NOSTRIN: variants seen among roughly 807,000 people sequenced by gnomAD.
NOSTRIN encodes the protein BM247 homolog.
Under a neutral mutation model 59.0 loss-of-function variants are expected in NOSTRIN, and 63 were observed. The ratio of observed to expected loss-of-function variants is 1.07; its 90% CI spans 0.87 to 1.32. The LOEUF (loss-of-function observed/expected upper bound fraction) is 1.32, where lower values mean the gene tolerates loss of function less well. NOSTRIN is among the 40% of genes most tolerant of loss of function. The pLI, the probability that NOSTRIN is intolerant of heterozygous loss-of-function variation, is 0.00. For missense variants in NOSTRIN, 512 were observed against 473.1 expected, an observed-to-expected ratio of 1.08 and a Z score of -0.76; for synonymous variants, 200 against 165.4, an observed-to-expected ratio of 1.21 and a Z score of -1.61.
chr2:168,862,890 G>A (rs1258273425), intron 15 of NOSTRIN, among the ~76,000 whole-genome samples: 1 of 152,192 alleles, frequency 6.6e-6, no homozygotes, highest in Non-Finnish European at 1.5e-5. Context: ...ATGGCTCCCA[G>A]AGCCAATGGA....
intron 2 of NOSTRIN, among the ~76,000 whole-genome samples, chr2:168,813,802 C>A (rs1686269907): frequency 1.3e-5 from 2 of 152,056 alleles, no homozygotes; most frequent in Non-Finnish European, 2.9e-5. Flanking sequence ...AATATTTTAC[C>A]TAGATCAAAA....
chr2:168,790,392 ACT>A (rs1466519291), intron 2 of NOSTRIN, among the ~76,000 whole-genome samples: 4 of 152,166 alleles, frequency 2.6e-5, no homozygotes, highest in African/African-American at 4.8e-5. Flanking sequence ...TAAAGTAGTG[ACT>A]CTACAGCGAA....
At chr2:168,824,605 A>C (rs1294668289) in intron 2 of NOSTRIN, 29 bp from the exon 3 acceptor site, 1 of 868,056 alleles carries the variant, frequency 1.2e-6, no homozygotes. Context: ...AGCCCAGTAC[A>C]TCCTATTTAA....
At chr2:168,802,429 C>A, upstream of NOSTRIN, 1 of 524,684 alleles carries the variant, frequency 1.9e-6, no homozygotes, top group East Asian at 3.5e-5. Flanking sequence ...TTCTCACTAT[C>A]TCACACTGGC....
At chr2:168,821,009 G>A (rs1375926638) in intron 2 of NOSTRIN, among the ~76,000 whole-genome samples, 5 of 152,088 alleles carry the variant, frequency 3.3e-5, no homozygotes, top group East Asian at 1.9e-4. Flanking sequence ...ACAAGAAAAC[G>A]GGATTCTTCC....
intron 1 of NOSTRIN, among the ~76,000 whole-genome samples, chr2:168,805,121 C>G (rs545491369): frequency 6.6e-6 from 1 of 152,244 alleles, no homozygotes; most frequent in East Asian, 1.9e-4. Context: ...TTTCATGAGA[C>G]TACAAAAAGG....
At chr2:168,834,507 G>GCGCGCGCGCACGCACACACACA (rs756381301) in intron 7 of NOSTRIN, among the ~76,000 whole-genome samples, 182 bp downstream of exon 7, 5 of 125,342 alleles carry the variant, frequency 4.0e-5, no homozygotes, top group Admixed American at 3.8e-4. Flanking sequence ...GCGCGCGCGC[G>GCGCGCGCGCACGCACACACACA]CACACACACA....
rs57302360 is a variant in NOSTRIN, at chr2:168,834,513, A to ACACACGCG, written c.504+193_504+194insGCGCACAC. Reference sequence around the variant, plus strand: ...CGTGCGCGCGCGCGCGCGCGCACACACACACACACACACACACACACACAC... The same window carrying ACACACGCG: ...CGTGCGCGCGCGCGCGCGCGCACACACACACGCGCACACACACACACACACACACACAC... On this transcript the variant is annotated intron_variant, in intron 7 of 15. Transcript: ENST00000317647. Among the ~76,000 whole-genome samples the ACACACGCG allele has an allele frequency of 5.8e-3, 819 of 141,704 alleles. 12 individuals carry two copies. The highest frequency in any genetic ancestry group is 0.042 in the East Asian group (163 of 3,882). 93.0% of individuals were successfully genotyped at this position (141,704 alleles called of 152,430 possible).
chr2:168,797,808 T>C (rs1458569831), upstream of NOSTRIN, among the ~76,000 whole-genome samples: 1 of 152,130 alleles, frequency 6.6e-6, no homozygotes, highest in East Asian at 1.9e-4. Context: ...TGAGACCCTG[T>C]CTCTACCTTG....
chr2:168,817,028 C>A (rs1417526029), intron 2 of NOSTRIN, among the ~76,000 whole-genome samples: 1 of 152,226 alleles, frequency 6.6e-6, no homozygotes, highest in Non-Finnish European at 1.5e-5. Context: ...GGAGAGACCA[C>A]TTATTCAGTA....
chr2:168,848,558 A>G (rs1232579744), intron 8 of NOSTRIN, among the ~76,000 whole-genome samples: 1 of 134,644 alleles, frequency 7.4e-6, no homozygotes, highest in South Asian at 3.1e-4. Flanking sequence ...ATGACTATAT[A>G]CCAAAAAACA....
chr2:168,822,081 C>T (rs1224941910), intron 2 of NOSTRIN, among the ~76,000 whole-genome samples: 1 of 152,218 alleles, frequency 6.6e-6, no homozygotes, highest in Non-Finnish European at 1.5e-5. Context: ...GATGGTCTCT[C>T]CCAGCTGGCT....
At chr2:168,841,510 T>C (rs971125576) in intron 7 of NOSTRIN, among the ~76,000 whole-genome samples, 5 of 152,116 alleles carry the variant, frequency 3.3e-5, no homozygotes, top group Admixed American at 3.3e-4. Flanking sequence ...AGGGAGCAGA[T>C]CATTGGGGAG....
upstream of NOSTRIN, among the ~76,000 whole-genome samples, chr2:168,798,526 G>T (rs888336685): frequency 2.6e-5 from 4 of 152,186 alleles, no homozygotes; most frequent in Non-Finnish European, 5.9e-5. Flanking sequence ...GACCCTGGAA[G>T]GGAATCCGTT....
At chr2:168,859,424 G>A in intron 12 of NOSTRIN, 88 bp from the exon 13 acceptor site, 1 of 1,545,652 alleles carries the variant, frequency 6.5e-7, no homozygotes, top group Non-Finnish European at 8.7e-7. Flanking sequence ...TCTAACCTTT[G>A]TTATTTTGAA....
At chr2:168,863,441 T>G (rs2685801) in intron 15 of NOSTRIN, 818,495 of 984,802 alleles carry the variant, frequency 0.83, 340,530 homozygotes, top group East Asian at 0.92. Context: ...TGATGCCAAA[T>G]AAAAAGTAGC....
intron 2 of NOSTRIN, among the ~76,000 whole-genome samples, chr2:168,819,985 G>A (rs1268937788): frequency 6.6e-6 from 1 of 152,162 alleles, no homozygotes; most frequent in Admixed American, 6.5e-5. Flanking sequence ...CTGCTCTGAG[G>A]CTGCTGTGAA....
upstream of NOSTRIN, among the ~76,000 whole-genome samples, chr2:168,793,819 G>A (rs1240264056): frequency 6.6e-6 from 1 of 152,096 alleles, no homozygotes. Flanking sequence ...GCATTCTTGA[G>A]AGATTTATAA....
intron 2 of NOSTRIN, among the ~76,000 whole-genome samples, chr2:168,790,083 C>G (rs1223865529): frequency 1.3e-5 from 2 of 152,208 alleles, no homozygotes; most frequent in Non-Finnish European, 2.9e-5. Flanking sequence ...TGCTAATGTT[C>G]TACTTTAAGT....
Sources: allele counts gnomAD v4.1 joint callset (sites outside exome capture counted in the v4.1 genomes callset), GRCh38; gene constraint gnomAD v4.1.1; transcripts MANE v1.5; gene names NCBI Gene and HGNC (gene_info 2026-07-23, HGNC 2026-07-21).